ROR1: variants seen among roughly 807,000 people sequenced by gnomAD.
ROR1 encodes inactive tyrosine-protein kinase transmembrane receptor ROR1.
In ROR1, 19 loss-of-function variants were observed where a neutral mutation model predicts 78.8. The ratio of observed to expected loss-of-function variants is 0.24; its 90% confidence interval spans 0.17 to 0.35. The LOEUF (loss-of-function observed/expected upper bound fraction) is 0.35. Ranked by LOEUF, ROR1 falls within the 10% of genes least tolerant of loss-of-function variation. The pLI is 1.00. For synonymous variants in ROR1, 386 were observed against 433.6 expected, an observed-to-expected ratio of 0.89 and a Z score of 1.36; for missense variants, 917 against 1,177.8, an observed-to-expected ratio of 0.78 and a Z score of 3.24.
At chr1:63,856,550 C>G (rs1645150324) in intron 1 of ROR1, among the ~76,000 whole-genome samples, 1 of 152,154 alleles carries the variant, frequency 6.6e-6, no homozygotes, top group Non-Finnish European at 1.5e-5. Context: ...CTTGCAAACT[C>G]TAGTTGCCTT....
intron 1 of ROR1, among the ~76,000 whole-genome samples, chr1:63,922,500 G>A (rs919320329): frequency 2.6e-5 from 4 of 151,774 alleles, no homozygotes; most frequent in Non-Finnish European, 4.4e-5. Flanking sequence ...AGTTTATGTC[G>A]AAGCCCAGGA....
chr1:64,178,809 C>G lies in ROR1; in HGVS notation c.2768C>G (p.Ala923Gly), dbSNP rs202134610. ...AAGCAAGCATCTTTACTAGGAGACG[C>G]CAATATTCATGGACACACCGAATCT... ...DSKQASLLGD[A>G]NIHGHTESMI... Residue 923 changes from alanine to glycine, a missense_variant, in exon 9 of 9, where the codon GCC becomes GGC. Physicochemically the swap from Ala to Gly is moderately conservative, Grantham distance 60 (BLOSUM62 0). Coordinates refer to ENST00000371079, the MANE Select transcript of ROR1 (RefSeq NM_005012.4). The surrounding 1 kb of genome is among the most constrained non-coding windows in gnomAD (Gnocchi z 4.3). 20 of 1,614,016 alleles carry G rather than the reference C, an allele frequency of 1.2e-5. No homozygotes were observed. In the Admixed American group the frequency reaches 2.2e-4, roughly 17 times the overall value.
intron 2 of ROR1, among the ~76,000 whole-genome samples, chr1:64,032,740 C>T (rs1047739697): frequency 3.3e-5 from 5 of 152,216 alleles, no homozygotes; most frequent in African/African-American, 1.2e-4. Context: ...TTCTTAATCA[C>T]AGTCCTATTG....
At chr1:64,023,345 C>T (rs1455230465) in intron 2 of ROR1, among the ~76,000 whole-genome samples, 3 of 152,078 alleles carry the variant, frequency 2.0e-5, no homozygotes, top group African/African-American at 7.2e-5. Context: ...CCTGGGGAAA[C>T]CTTGAAAGAC....
At chr1:64,074,309 A>C (rs1219119915) in intron 4 of ROR1, among the ~76,000 whole-genome samples, 1 of 152,084 alleles carries the variant, frequency 6.6e-6, no homozygotes, top group Non-Finnish European at 1.5e-5. Context: ...TTTCTTTTTC[A>C]GCTTCTGCAA....
At chr1:63,887,174 A>C (rs1645362952) in intron 1 of ROR1, among the ~76,000 whole-genome samples, 1 of 151,406 alleles carries the variant, frequency 6.6e-6, no homozygotes, top group Non-Finnish European at 1.5e-5. Flanking sequence ...CCCCTTTAGG[A>C]GCTCACCTTC....
At chr1:63,944,888 G>T (rs1470592832) in intron 1 of ROR1, among the ~76,000 whole-genome samples, 1 of 152,054 alleles carries the variant, frequency 6.6e-6, no homozygotes, top group Admixed American at 6.5e-5. Context: ...TCCCACAGGG[G>T]TGTTATAAGG....
intron 1 of ROR1, among the ~76,000 whole-genome samples, chr1:63,890,247 C>T (rs1449734919): frequency 3.3e-5 from 5 of 151,764 alleles, no homozygotes; most frequent in Non-Finnish European, 5.9e-5. Flanking sequence ...TTGGAGATCT[C>T]GGACTATTTT....
chr1:63,972,625 T>G (rs1557589792), intron 1 of ROR1, among the ~76,000 whole-genome samples: 1 of 152,106 alleles, frequency 6.6e-6, no homozygotes, highest in East Asian at 1.9e-4. Flanking sequence ...CTTAGTAAGG[T>G]GGGTGGCATA....
chr1:64,036,374 T>A (rs1260814), intron 2 of ROR1, among the ~76,000 whole-genome samples: 98,638 of 152,056 alleles, frequency 0.65, 35,924 homozygotes, highest in East Asian at 0.89. Context: ...AAGTTCTTTA[T>A]GTTTATTTTT....
chr1:64,049,607 A>T (rs966299740), intron 2 of ROR1, 84 bp from the exon 3 acceptor site: 23 of 1,222,420 alleles, frequency 1.9e-5, no homozygotes, highest in Non-Finnish European at 2.7e-5. Flanking sequence ...TGTGATCCCA[A>T]GGGTACACTG....
chr1:64,014,773 T>TATATATATATATATATATATATAC (rs71056017), intron 2 of ROR1, among the ~76,000 whole-genome samples: 5 of 47,012 alleles, frequency 1.1e-4, no homozygotes, highest in African/African-American at 2.8e-4. Flanking sequence ...TATATATATA[T>TATATATATATATATATATATATAC]ACACATTTTG....
At chr1:63,905,211 T>A (rs2100408905) in intron 1 of ROR1, among the ~76,000 whole-genome samples, 1 of 152,292 alleles carries the variant, frequency 6.6e-6, no homozygotes, top group South Asian at 2.1e-4. Context: ...AATAGTGCAG[T>A]TGAACTAGGA....
chr1:64,004,496 G>A (rs1051953845), intron 1 of ROR1, among the ~76,000 whole-genome samples: 1 of 152,202 alleles, frequency 6.6e-6, no homozygotes, highest in African/African-American at 2.4e-5. Context: ...TCAGTGAGTG[G>A]TCAAGAAAGG....
intron 1 of ROR1, among the ~76,000 whole-genome samples, chr1:63,897,888 T>C (rs1190690512): frequency 6.6e-6 from 1 of 152,184 alleles, no homozygotes; most frequent in Non-Finnish European, 1.5e-5. Flanking sequence ...CTCCATACAG[T>C]CATTCAGGGA....
In ROR1 at chr1:63,940,869, C is replaced by T. The variant is rs1312871378; in HGVS notation, c.92-68436C>T. ...ATGAATGAGAAGCAGATGGACATCA[C>T]AAGGCATCCAGGTGTCCAGATGCAG... On this transcript the variant is annotated intron_variant, in intron 1 of 8. Transcript: ENST00000371079. Among the ~76,000 whole-genome samples the T allele has an allele frequency of 2.0e-5, 3 of 152,274 alleles. No individual in the cohort carries two copies. In the East Asian group the frequency reaches 5.8e-4, roughly 29 times the overall value.
chr1:63,945,146 C>T (rs1645873984), intron 1 of ROR1, among the ~76,000 whole-genome samples: 1 of 152,108 alleles, frequency 6.6e-6, no homozygotes, highest in African/African-American at 2.4e-5. Flanking sequence ...GTTAAAACGA[C>T]CCACATTAGT....
At chr1:64,104,192 C>T (rs1357487187) in intron 4 of ROR1, among the ~76,000 whole-genome samples, 1 of 152,084 alleles carries the variant, frequency 6.6e-6, no homozygotes, top group East Asian at 1.9e-4. Flanking sequence ...GAAACTCAGG[C>T]TTAGAGGGGT....
At chr1:63,941,315 T>A (rs1193436771) in intron 1 of ROR1, among the ~76,000 whole-genome samples, 1 of 152,168 alleles carries the variant, frequency 6.6e-6, no homozygotes, top group Non-Finnish European at 1.5e-5. Context: ...CATCTGTAGT[T>A]CAGAAAAAAT....
Sources: gnomAD v4.1 joint callset for allele counts (sites outside exome capture counted in the v4.1 genomes callset) on GRCh38, gnomAD v4.1.1 for gene constraint, Gnocchi (gnomAD v3.1) non-coding constraint, MANE v1.5 for transcripts, NCBI Gene and HGNC (gene_info 2026-07-23, HGNC 2026-07-21) for gene names.